Variants in MYO1D observed in about 807,000 individuals in gnomAD.
MYO1D encodes the protein myosin ID, also known as unconventional myosin-Id.
MYO1D carries 83 observed loss-of-function variants against 122.0 expected under a neutral mutation model. That is an observed-to-expected ratio of 0.68 (90% confidence interval 0.57 to 0.82). MYO1D has a LOEUF of 0.82. Ranked by LOEUF, MYO1D falls within the 40% of genes least tolerant of loss-of-function variation. The probability of loss-of-function intolerance (pLI) is 0.00; values close to 1 mark genes in which losing one functional copy is unlikely to be tolerated. For missense variants in MYO1D, 1,157 were observed against 1,269.5 expected (o/e 0.91, Z 1.35); for synonymous variants, 464 against 446.9 (o/e 1.04, Z -0.48).
At chr17:32,641,811 T>A (rs140460936) in intron 19 of MYO1D, among the ~76,000 whole-genome samples, 2 of 152,120 alleles carry the variant, frequency 1.3e-5, no homozygotes, top group Admixed American at 6.6e-5. Context: ...GTTTGAGTTC[T>A]TTGTAGATTC....
At chr17:32,871,914 A>T (rs945333557) in intron 1 of MYO1D, among the ~76,000 whole-genome samples, 1 of 152,238 alleles carries the variant, frequency 6.6e-6, no homozygotes, top group African/African-American at 2.4e-5. Flanking sequence ...AATGAGCTCC[A>T]CATCCAAAAA....
At chr17:32,596,284 A>G (rs2087491734) in intron 21 of MYO1D, among the ~76,000 whole-genome samples, 1 of 152,242 alleles carries the variant, frequency 6.6e-6, no homozygotes, top group Non-Finnish European at 1.5e-5. Flanking sequence ...AACATAGATC[A>G]AAGGCCATGG....
chr17:32,865,195 T>C (rs2091113327), intron 1 of MYO1D, among the ~76,000 whole-genome samples: 1 of 152,220 alleles, frequency 6.6e-6, no homozygotes, highest in Non-Finnish European at 1.5e-5. Flanking sequence ...GATTTGACTT[T>C]TAATTGACTA....
At chr17:32,805,536 TGA>T (rs1449112311) in intron 1 of MYO1D, among the ~76,000 whole-genome samples, 1 of 152,160 alleles carries the variant, frequency 6.6e-6, no homozygotes, top group Non-Finnish European at 1.5e-5. Context: ...CCTCACATAT[TGA>T]GTTTGGTTTT....
chr17:32,681,860 C>T (rs2088922694), intron 16 of MYO1D, among the ~76,000 whole-genome samples: 1 of 138,622 alleles, frequency 7.2e-6, no homozygotes, highest in Non-Finnish European at 1.5e-5. Flanking sequence ...GTGTTAAAGT[C>T]TCCCATTATT....
chr17:32,725,508 G>A (rs1185484372), intron 14 of MYO1D, among the ~76,000 whole-genome samples: 3 of 150,490 alleles, frequency 2.0e-5, no homozygotes, highest in East Asian at 3.9e-4. Context: ...GCAACAGAGC[G>A]AGACTCCATC....
chr17:32,610,179 G>A (rs1350889839), intron 20 of MYO1D, among the ~76,000 whole-genome samples: 2 of 152,054 alleles, frequency 1.3e-5, no homozygotes, highest in Admixed American at 6.6e-5. Flanking sequence ...CCCTTCCTAG[G>A]TGCTACCTGG....
intron 16 of MYO1D, among the ~76,000 whole-genome samples, chr17:32,685,900 G>A (rs1453690135): frequency 6.6e-6 from 1 of 152,108 alleles, no homozygotes; most frequent in Non-Finnish European, 1.5e-5. Flanking sequence ...GACCTGCTTT[G>A]GCCAATGCGA....
chr17:32,677,788 C>T (rs956200406), intron 16 of MYO1D, among the ~76,000 whole-genome samples: 3 of 151,962 alleles, frequency 2.0e-5, no homozygotes, highest in South Asian at 2.1e-4. Context: ...GCTTTTCAAA[C>T]GAACACAAGC....
At chr17:32,578,566 A>T (rs1345116349) in intron 21 of MYO1D, among the ~76,000 whole-genome samples, 1 of 152,250 alleles carries the variant, frequency 6.6e-6, no homozygotes, top group East Asian at 1.9e-4. Context: ...TTGAAATAAC[A>T]GAATTTGTAA....
intron 20 of MYO1D, among the ~76,000 whole-genome samples, chr17:32,618,652 T>TC (rs2087810240): frequency 6.6e-6 from 1 of 151,550 alleles, no homozygotes; most frequent in Non-Finnish European, 1.5e-5. Flanking sequence ...TTTTTTTTTT[T>TC]GAGACGGAAT....
chr17:32,624,746 A>C (rs1025408976), intron 20 of MYO1D, among the ~76,000 whole-genome samples: 1 of 151,940 alleles, frequency 6.6e-6, no homozygotes, highest in Non-Finnish European at 1.5e-5. Context: ...CCCTAAAAGA[A>C]ATGAAGATAT....
intron 7 of MYO1D, among the ~76,000 whole-genome samples, chr17:32,767,128 C>G (rs772452395): frequency 1.4e-4 from 22 of 152,302 alleles, no homozygotes; most frequent in Non-Finnish European, 2.6e-4. Flanking sequence ...ATCTAACACA[C>G]AGTTCTTCAC....
At chr17:32,847,928 A>G (rs1210188263) in intron 1 of MYO1D, among the ~76,000 whole-genome samples, 1 of 152,244 alleles carries the variant, frequency 6.6e-6, no homozygotes, top group Non-Finnish European at 1.5e-5. Flanking sequence ...AAGATTGTTT[A>G]TACAAAAATT....
chr17:32,640,303 T>A (rs538765431), intron 19 of MYO1D, among the ~76,000 whole-genome samples: 2 of 152,336 alleles, frequency 1.3e-5, no homozygotes, highest in South Asian at 4.1e-4. Flanking sequence ...GAAGAGCTTC[T>A]ATAGCAGCAT....
rs1004745512 is a variant in MYO1D at position 32,873,903 on chromosome 17, A to T, written c.95+2875T>A. 5.9e-5 allele frequency among the ~76,000 whole-genome samples: 9 copies of T among 152,308 alleles called. 2 individuals are homozygous for T. In the East Asian group the frequency reaches 1.7e-3, roughly 29 times the overall value. ...GACCTAAAAACCTGGGCCTTAGCCA[A>T]TGGCCATATGGAGAGCTGGTGATTC... On this transcript the variant is annotated intron_variant, in intron 1 of 21. Transcript: ENST00000318217.
rs181875383 is a variant in MYO1D at position 32,502,839 on chromosome 17, G to A, written c.2865-7924C>T. On this transcript the variant is annotated intron_variant, in intron 21 of 21. Coordinates refer to ENST00000318217, the MANE Select transcript of MYO1D (RefSeq NM_015194.3). Reference sequence around the variant, plus strand: ...TATTTTTTAAAGAAAAGGAAACATCGTACAGATGGAGGCAGGGCGTCTCCC... The same window carrying A: ...TATTTTTTAAAGAAAAGGAAACATCATACAGATGGAGGCAGGGCGTCTCCC... Among the ~76,000 whole-genome samples, 82 of 152,262 alleles carry A rather than the reference G, an allele frequency of 5.4e-4. 1 individual carries two copies. The highest frequency in any genetic ancestry group is 1.7e-3 in the African/African-American group (70 of 41,554).
intron 16 of MYO1D, among the ~76,000 whole-genome samples, chr17:32,677,910 T>C (rs1209217441): frequency 2.6e-5 from 4 of 152,130 alleles, no homozygotes; most frequent in Admixed American, 6.6e-5. Context: ...TGGCTTATGA[T>C]CAATATTTCA....
chr17:32,667,623 G>A (rs1028711825), intron 16 of MYO1D, among the ~76,000 whole-genome samples: 9 of 152,138 alleles, frequency 5.9e-5, no homozygotes, highest in South Asian at 2.1e-4. Context: ...ATTACAAGCC[G>A]TCCTGATGAA....
Sources: gnomAD v4.1 joint callset for allele counts (sites outside exome capture counted in the v4.1 genomes callset) on GRCh38, gnomAD v4.1.1 for gene constraint, MANE v1.5 for transcripts, NCBI Gene and HGNC (gene_info 2026-07-23, HGNC 2026-07-21) for gene names.